Variants in TBC1D14 observed in about 807,000 individuals in gnomAD.
The protein encoded by TBC1D14 is TBC1 domain family, member 14.
In TBC1D14, 26 loss-of-function variants were observed where a neutral mutation model predicts 79.0. The observed-to-expected ratio is 0.33, with a 90% CI of 0.24 to 0.46. The LOEUF is 0.46. TBC1D14 is among the 20% of genes least tolerant of loss of function. The pLI is 1.00. For synonymous variants in TBC1D14, 394 were observed against 349.9 expected (o/e 1.13, Z -1.40); for missense variants, 769 against 887.6 (o/e 0.87, Z 1.70).
intron 11 of TBC1D14, among the ~76,000 whole-genome samples, chr4:7,012,301 CA>C (rs35439827): frequency 0.13 from 16,291 of 121,904 alleles, 1,314 homozygotes; most frequent in African/African-American, 0.28. Context: ...GACCCCATCT[CA>C]AAAAAAAAAA....
At chr4:7,002,779 G>A (rs10516181) in intron 7 of TBC1D14, among the ~76,000 whole-genome samples, 109,510 of 151,732 alleles carry the variant, frequency 0.72, 40,131 homozygotes, top group East Asian at 0.97. Context: ...ATTTTACTAC[G>A]TTTCCAAGCC....
At chr4:7,012,119 G>A (rs1277248912) in intron 11 of TBC1D14, among the ~76,000 whole-genome samples, 1 of 151,838 alleles carries the variant, frequency 6.6e-6, no homozygotes, top group African/African-American at 2.4e-5. Flanking sequence ...GGCTAACACA[G>A]TGAAACCCCG....
At chr4:7,000,363 C>T (rs1719534341) in intron 6 of TBC1D14, among the ~76,000 whole-genome samples, 1 of 152,212 alleles carries the variant, frequency 6.6e-6, no homozygotes, top group Non-Finnish European at 1.5e-5. Flanking sequence ...TCACTTCATC[C>T]TCACAGTGGC....
At chr4:6,942,767 G>A (rs1713031273) in intron 2 of TBC1D14, among the ~76,000 whole-genome samples, 1 of 152,180 alleles carries the variant, frequency 6.6e-6, no homozygotes, top group African/African-American at 2.4e-5. Flanking sequence ...AGGAAGGTGA[G>A]GGGCCAGTGG....
At chr4:7,029,832 A>C (rs1269331863) in intron 13 of TBC1D14, among the ~76,000 whole-genome samples, 3 of 152,214 alleles carry the variant, frequency 2.0e-5, no homozygotes, top group Non-Finnish European at 4.4e-5. Flanking sequence ...CTCAAAAAGA[A>C]GAAAAAGAAG....
At chr4:7,024,976 C>T (rs758634165) in intron 12 of TBC1D14, 28 bp from the exon 13 acceptor site, 1 of 1,609,880 alleles carries the variant, frequency 6.2e-7, no homozygotes, top group Non-Finnish European at 8.5e-7. Context: ...GATTCAAAAT[C>T]TGAAAAATTC....
At chr4:6,945,231 C>T (rs1560268725) in intron 2 of TBC1D14, among the ~76,000 whole-genome samples, 1 of 152,126 alleles carries the variant, frequency 6.6e-6, no homozygotes, top group Non-Finnish European at 1.5e-5. Context: ...GGCCACATGC[C>T]ACTGAGCTTT....
Position 6,986,928 on chromosome 4 carries a change from G to A in TBC1D14, c.844-7256G>A, listed in dbSNP as rs1189469563. Among the ~76,000 whole-genome samples, 4 of 152,238 alleles carry A rather than the reference G, an allele frequency of 2.6e-5. No homozygotes were observed. The South Asian group carries it at 6.2e-4, about 24-fold the overall frequency. On this transcript the variant is annotated intron_variant, in intron 3 of 13. Transcript: ENST00000409757. ...GCTCACAATCACCCCGCCACCCAGAGCTCACTAGTGCGACTATTTTTGTGC... is the reference window on the plus strand; with the variant it reads ...GCTCACAATCACCCCGCCACCCAGAACTCACTAGTGCGACTATTTTTGTGC...
At chr4:6,996,212 T>A in intron 4 of TBC1D14, 113 bp from the exon 5 acceptor site, 1 of 785,078 alleles carries the variant, frequency 1.3e-6, no homozygotes, top group Non-Finnish European at 2.1e-6. Context: ...CTTAAAAAAA[T>A]GAGTTTTTAG....
intron 2 of TBC1D14, among the ~76,000 whole-genome samples, chr4:6,960,467 A>G (rs993126428): frequency 6.6e-6 from 1 of 151,936 alleles, no homozygotes; most frequent in East Asian, 1.9e-4. Context: ...TCTTCCAGAG[A>G]GTCTGTGGCT....
chr4:7,010,921 T>G (rs1304871558), intron 11 of TBC1D14, 140 bp downstream of exon 11: 1 of 1,038,984 alleles, frequency 9.6e-7, no homozygotes. Context: ...CACTGTAAGG[T>G]GGAGGATGAT....
chr4:6,940,199 C>T (rs1712768918), intron 2 of TBC1D14, among the ~76,000 whole-genome samples: 2 of 152,244 alleles, frequency 1.3e-5, no homozygotes, highest in Non-Finnish European at 1.5e-5. Context: ...TCACTCTGGC[C>T]AGTCAGGCGC....
intron 2 of TBC1D14, among the ~76,000 whole-genome samples, chr4:6,928,890 C>A (rs563924670): frequency 6.6e-6 from 1 of 152,132 alleles, no homozygotes; most frequent in African/African-American, 2.4e-5. Context: ...CTGGGCACAT[C>A]GCAGCATGTT....
At chr4:6,993,406 T>C (rs913468306) in intron 3 of TBC1D14, among the ~76,000 whole-genome samples, 25 of 152,236 alleles carry the variant, frequency 1.6e-4, no homozygotes, top group African/African-American at 6.0e-4. Flanking sequence ...CTCTTGTGGT[T>C]GCAGTGCACG....
intron 9 of TBC1D14, 22 bp downstream of exon 9, chr4:7,006,748 C>T (rs1720233212): frequency 1.3e-6 from 2 of 1,594,882 alleles, no homozygotes; most frequent in South Asian, 1.1e-5. Context: ...TGACTTGTTG[C>T]TTTCAAGTAT....
intron 5 of TBC1D14, among the ~76,000 whole-genome samples, chr4:6,997,654 T>C (rs111551912): frequency 0.01 from 1,529 of 152,070 alleles, 26 homozygotes; most frequent in African/African-American, 0.035. Flanking sequence ...TATATAACAA[T>C]GTGGTGTATA....
chr4:7,017,674 G>A (rs540766089), intron 12 of TBC1D14, among the ~76,000 whole-genome samples: 1 of 152,304 alleles, frequency 6.6e-6, no homozygotes, highest in Non-Finnish European at 1.5e-5. Flanking sequence ...GTGCTTTGAC[G>A]AGGCCTCCAC....
intron 2 of TBC1D14, among the ~76,000 whole-genome samples, chr4:6,949,567 C>T (rs1242288364): frequency 6.6e-6 from 1 of 151,524 alleles, no homozygotes; most frequent in Middle Eastern, 3.2e-3. Flanking sequence ...CCTGTAATCC[C>T]AGCTACTTGG....
chr4:6,985,436 A>T (rs1262187981), intron 3 of TBC1D14, among the ~76,000 whole-genome samples: 1 of 152,214 alleles, frequency 6.6e-6, no homozygotes, highest in Non-Finnish European at 1.5e-5. Context: ...GATTTATTTT[A>T]CGCCTTGAGG....
Sources: allele counts gnomAD v4.1 joint callset (sites outside exome capture counted in the v4.1 genomes callset), GRCh38; gene constraint gnomAD v4.1.1; transcripts MANE v1.5; gene names NCBI Gene and HGNC (gene_info 2026-07-23, HGNC 2026-07-21).